Variants in WDR70 observed in about 807,000 individuals in gnomAD.
WDR70 encodes WD repeat-containing protein 70.
In WDR70, 53 loss-of-function variants were observed where a neutral mutation model predicts 88.6. That is an observed-to-expected ratio of 0.60 (90% CI 0.48 to 0.75). The LOEUF is 0.75. WDR70 is among the 30% of genes least tolerant of loss of function. The pLI is 0.00. For synonymous variants in WDR70, 280 were observed against 270.0 expected (o/e 1.04, Z -0.36); for missense variants, 610 against 823.2 (o/e 0.74, Z 3.17).
chr5:37,622,954 A>C (rs1225497413), intron 10 of WDR70, among the ~76,000 whole-genome samples: 1 of 152,140 alleles, frequency 6.6e-6, no homozygotes, highest in Non-Finnish European at 1.5e-5. Flanking sequence ...TCTAAATAGA[A>C]TATAGCAAAT....
At chr5:37,728,367 A>AC (rs1748050767) in intron 17 of WDR70, among the ~76,000 whole-genome samples, 2 of 149,510 alleles carry the variant, frequency 1.3e-5, no homozygotes, top group African/African-American at 5.0e-5. Context: ...AAAAAAACAA[A>AC]AAAAAAAAAC....
At chr5:37,546,926 A>G (rs1245559180) in intron 9 of WDR70, among the ~76,000 whole-genome samples, 1 of 152,126 alleles carries the variant, frequency 6.6e-6, no homozygotes, top group Non-Finnish European at 1.5e-5. Context: ...CAAAAAAAAA[A>G]AAAATTATGT....
chr5:37,421,665 A>G (rs1386791617), intron 5 of WDR70, among the ~76,000 whole-genome samples: 1 of 152,102 alleles, frequency 6.6e-6, no homozygotes, highest in Non-Finnish European at 1.5e-5. Context: ...TCTTTATTCT[A>G]CTTCTAAAAA....
chr5:37,417,368 G>A (rs1749791730), intron 5 of WDR70, among the ~76,000 whole-genome samples: 1 of 151,980 alleles, frequency 6.6e-6, no homozygotes, highest in South Asian at 2.1e-4. Context: ...GGAACTACAG[G>A]TGGGCGCCAC....
intron 10 of WDR70, among the ~76,000 whole-genome samples, chr5:37,681,906 T>C (rs978245011): frequency 2.0e-5 from 3 of 152,186 alleles, no homozygotes; most frequent in African/African-American, 7.2e-5. Context: ...TTGTTGTGTC[T>C]GTGCCAGATT....
intron 9 of WDR70, among the ~76,000 whole-genome samples, chr5:37,576,512 C>T (rs1279088366): frequency 3.3e-5 from 5 of 151,962 alleles, no homozygotes; most frequent in Admixed American, 3.3e-4. Flanking sequence ...TTAGAAGAAC[C>T]AGTTAATTTT....
At chr5:37,448,399 T>C (rs192631809) in intron 7 of WDR70, among the ~76,000 whole-genome samples, 1 of 152,284 alleles carries the variant, frequency 6.6e-6, no homozygotes, top group Non-Finnish European at 1.5e-5. Flanking sequence ...CCAAATCTGG[T>C]TGCTAGGCAT....
intron 10 of WDR70, among the ~76,000 whole-genome samples, chr5:37,610,493 C>G (rs186624339): frequency 3.9e-5 from 6 of 152,026 alleles, no homozygotes; most frequent in African/African-American, 1.2e-4. Flanking sequence ...CTCCTCTCCT[C>G]TGTCATTGTC....
intron 9 of WDR70, among the ~76,000 whole-genome samples, chr5:37,571,644 A>G (rs1222318409): frequency 3.3e-5 from 5 of 151,984 alleles, no homozygotes; most frequent in Admixed American, 2.6e-4. Flanking sequence ...AGCATGCAAC[A>G]CTCCTTGATG....
chr5:37,392,136 A>G lies in WDR70; in HGVS notation c.296+16A>G. ...CATCTTCCAGGTGCCTGATTTTCAG[A>G]AAGACTTCTATTAAACTATCAGTTT... On this transcript the variant is annotated intron_variant, in intron 4 of 17. Transcript: ENST00000265107. 3.7e-6 allele frequency: 6 copies of G among 1,601,466 alleles called. No homozygotes were observed. Among genetic ancestry groups the G allele is most frequent in the Non-Finnish European group, 5.1e-6 (6 of 1,177,468 alleles).
chr5:37,418,288 A>G (rs1749824491), intron 5 of WDR70, among the ~76,000 whole-genome samples: 1 of 152,118 alleles, frequency 6.6e-6, no homozygotes, highest in South Asian at 2.1e-4. Context: ...ATTTTAGTGT[A>G]ATCTTTTTAT....
intron 10 of WDR70, among the ~76,000 whole-genome samples, chr5:37,647,154 C>G (rs968347957): frequency 1.3e-5 from 2 of 152,052 alleles, no homozygotes; most frequent in African/African-American, 4.8e-5. Flanking sequence ...GTTAAGAGAC[C>G]CTGATGCATT....
chr5:37,698,216 T>A (rs1581507427), intron 11 of WDR70, among the ~76,000 whole-genome samples: 3 of 152,328 alleles, frequency 2.0e-5, no homozygotes, highest in African/African-American at 7.2e-5. Flanking sequence ...ATGAGATTTT[T>A]AAAAACAGTT....
chr5:37,639,975 A>G lies in WDR70; in HGVS notation c.1092+34737A>G, dbSNP rs1227378805. 2.0e-5 allele frequency among the ~76,000 whole-genome samples: 3 copies of G among 152,152 alleles called. No individual in the cohort carries two copies. The East Asian group carries it at 5.8e-4, about 29-fold the overall frequency. On this transcript the variant is annotated intron_variant, in intron 10 of 17. Transcript: ENST00000265107. ...TTATTCTCACTTCGCAGATGAGAAA[A>G]CTAAGGCTTAAAGAGGTTAAGTAAC...
At position 37,703,102 on chromosome 5, in the gene WDR70, T is replaced by G; in HGVS notation, c.1416+15T>G. On this transcript the variant is annotated intron_variant, in intron 13 of 17. Coordinates refer to ENST00000265107, the MANE Select transcript of WDR70 (RefSeq NM_018034.4). ...TCACAGATGCGGTACGTATATTCTT[T>G]TCTCCTCAGCCTTGAGAATACATAA... is the stretch of plus-strand genomic sequence containing the variant. The G allele has an allele frequency of 6.3e-7, 1 of 1,593,900 alleles. No individual in the cohort carries two copies. Among genetic ancestry groups the G allele is most frequent in the Non-Finnish European group, 8.6e-7 (1 of 1,163,308 alleles).
intron 9 of WDR70, 122 bp downstream of exon 9, chr5:37,516,712 C>T (rs1967541): frequency 0.85 from 131,169 of 153,718 alleles, 56,139 homozygotes; most frequent in East Asian, 0.96. Context: ...TTATTATATA[C>T]ATATATATAT....
At chr5:37,473,158 GTTTTTA>G (rs1739378222) in intron 7 of WDR70, among the ~76,000 whole-genome samples, 1 of 149,532 alleles carries the variant, frequency 6.7e-6, no homozygotes, top group Non-Finnish European at 1.5e-5. Flanking sequence ...ACCTTTTAAT[GTTTTTA>G]TAGAGCACTT....
chr5:37,514,206 A>G (rs1450271583), intron 8 of WDR70, among the ~76,000 whole-genome samples: 1 of 150,478 alleles, frequency 6.6e-6, no homozygotes, highest in Non-Finnish European at 1.5e-5. Context: ...TTTTGTAGAG[A>G]CAGGATCTCA....
At chr5:37,711,642 C>G (rs1747514066) in intron 13 of WDR70, among the ~76,000 whole-genome samples, 1 of 152,090 alleles carries the variant, frequency 6.6e-6, no homozygotes, top group Non-Finnish European at 1.5e-5. Flanking sequence ...CCTTGTGGAT[C>G]TTGTTTTCTC....
Sources: allele counts gnomAD v4.1 joint callset (sites outside exome capture counted in the v4.1 genomes callset), GRCh38; gene constraint gnomAD v4.1.1; transcripts MANE v1.5; gene names NCBI Gene and HGNC (gene_info 2026-07-23, HGNC 2026-07-21).